FANCD2: variants seen among roughly 807,000 people sequenced by gnomAD.
FANCD2 encodes Fanconi anemia group D2 protein.
A neutral mutation model predicts 192.3 loss-of-function variants in FANCD2; 131 were observed. The observed-to-expected ratio is 0.68, with a 90% confidence interval of 0.59 to 0.79. The LOEUF (loss-of-function observed/expected upper bound fraction) is 0.79, where lower values mean the gene tolerates loss of function less well. FANCD2 is among the 30% of genes least tolerant of loss of function. The probability of loss-of-function intolerance (pLI) is 0.00; values close to 1 mark genes in which losing one functional copy is unlikely to be tolerated. For synonymous variants in FANCD2, 524 were observed against 612.5 expected (o/e 0.86, Z 2.13); for missense variants, 1,508 against 1,701.6 (o/e 0.89, Z 2.00).
chr3:10,089,560 C>G (rs1338368287), intron 36 of FANCD2, among the ~76,000 whole-genome samples: 3 of 152,112 alleles, frequency 2.0e-5, no homozygotes, highest in Non-Finnish European at 4.4e-5. Flanking sequence ...ACCTCCACCT[C>G]CTGGGTTCAA....
Position 10,081,500 on chromosome 3 carries a change from A to G in FANCD2, c.3224+36A>G, listed in dbSNP as rs751273814. The G allele has an allele frequency of 1.9e-5, 27 of 1,394,478 alleles. No individual in the cohort carries two copies. The Middle Eastern group carries it at 5.3e-4, about 27-fold the overall frequency. The allele number at this position is 1,394,478 out of a possible 1,614,324, so 86.4% of individuals were successfully genotyped here. On this transcript the variant is annotated intron_variant, in intron 32 of 43. Transcript: ENST00000675286. ...GGGAAGTGTGGAGAGAACTGAGTAT[A>G]TACTTGCTTTTATTTGACAGTCACC... is the stretch of plus-strand genomic sequence containing the variant.
Position 10,087,804 on chromosome 3 carries a change from G to A in FANCD2, c.3466+540G>A, listed in dbSNP as rs527942969. Among the ~76,000 whole-genome samples, 9 of 152,096 alleles carry A rather than the reference G, an allele frequency of 5.9e-5. No individual in the cohort carries two copies. The East Asian group carries it at 1.2e-3, about 20-fold the overall frequency. ...GCTGGGATTACAGGTGCGCACCACC[G>A]TGCCCAGCCAATTTTTGTATTTTTA... On this transcript the variant is annotated intron_variant, in intron 34 of 43. Coordinates refer to ENST00000675286, the MANE Select transcript of FANCD2 (RefSeq NM_001018115.3).
intron 14 of FANCD2, chr3:10,046,363 T>C: frequency 3.0e-6 from 2 of 655,740 alleles, no homozygotes; most frequent in Non-Finnish European, 4.9e-6. Flanking sequence ...TGCTCTGTAT[T>C]CTTAAGGGGT....
chr3:10,035,565 T>A (rs1032119077), intron 6 of FANCD2, among the ~76,000 whole-genome samples: 3 of 152,198 alleles, frequency 2.0e-5, no homozygotes, highest in African/African-American at 7.2e-5. Flanking sequence ...TTTAGATGCT[T>A]ATGTAACTTA....
chr3:10,045,110 C>T (rs112070765), intron 14 of FANCD2, among the ~76,000 whole-genome samples: 3,187 of 105,392 alleles, frequency 0.03, 144 homozygotes, highest in African/African-American at 0.14. Flanking sequence ...TTCCTGGAAG[C>T]ATAGACTCAG....
chr3:10,062,263 G>GAC, intron 20 of FANCD2, 52 bp downstream of exon 20: 1 of 1,291,816 alleles, frequency 7.7e-7, no homozygotes, highest in Non-Finnish European at 1.1e-6. Context: ...TTTTTTTTTA[G>GAC]AGAGTCTCGC....
intron 26 of FANCD2, among the ~76,000 whole-genome samples, chr3:10,071,318 G>A (rs1041800750): frequency 1.3e-5 from 2 of 151,942 alleles, no homozygotes; most frequent in African/African-American, 4.8e-5. Flanking sequence ...ATCACCATAT[G>A]ATCCAGGAAT....
chr3:10,040,444 C>T (rs2086837715), intron 9 of FANCD2: 1 of 454,440 alleles, frequency 2.2e-6, no homozygotes, highest in African/African-American at 2.0e-5. Context: ...CCTTAAGTTT[C>T]ATTAACTTGT....
At chr3:10,076,274 T>C (rs1470071323) in intron 29 of FANCD2, among the ~76,000 whole-genome samples, 1 of 147,738 alleles carries the variant, frequency 6.8e-6, no homozygotes, top group African/African-American at 2.6e-5. Context: ...GGAAATTCCC[T>C]TGAATTAGTC....
At chr3:10,057,185 C>T (rs2087437619) in intron 18 of FANCD2, among the ~76,000 whole-genome samples, 1 of 151,952 alleles carries the variant, frequency 6.6e-6, no homozygotes, top group Admixed American at 6.6e-5. Flanking sequence ...AGGTTTTTGT[C>T]GTTTTGAGGT....
intron 38 of FANCD2, among the ~76,000 whole-genome samples, chr3:10,092,678 T>C (rs1203321750): frequency 2.0e-5 from 3 of 146,496 alleles, no homozygotes; most frequent in Admixed American, 6.9e-5. Context: ...TCCACCTCTT[T>C]CATGTCTTTT....
intron 26 of FANCD2, among the ~76,000 whole-genome samples, chr3:10,070,192 C>G (rs1294278488): frequency 3.3e-5 from 5 of 150,498 alleles, no homozygotes; most frequent in Non-Finnish European, 4.4e-5. Context: ...CCGGCAACCG[C>G]CCCGTCTGAG....
At chr3:10,063,933 T>G in intron 21 of FANCD2, 22 bp downstream of exon 21, 1 of 1,614,210 alleles carries the variant, frequency 6.2e-7, no homozygotes, top group South Asian at 1.1e-5. Context: ...TGTCTTTTCT[T>G]AAAGCAATAA....
rs1344674954 is a variant in FANCD2, at chr3:10,093,342, CCT to C, written c.3888+20_3888+21del. 6.3e-7 allele frequency: 1 copy of C among 1,597,564 alleles called. No individual in the cohort carries two copies. The highest frequency in any genetic ancestry group is 1.7e-5 in the Admixed American group (1 of 59,996). On this transcript the variant is annotated intron_variant, in intron 39 of 43. Transcript: ENST00000675286. ...TTTGAAGGTGAGAGATTTACTGGGC[CCT>C]GTTTCATATTTATTCTTCCTGTGGA...
At chr3:10,034,364 G>C in intron 3 of FANCD2, 105 bp from the exon 4 acceptor site, 1 of 740,698 alleles carries the variant, frequency 1.4e-6, no homozygotes, top group Admixed American at 2.2e-5. Context: ...TCTGAAATTA[G>C]GTTGAAAATA....
chr3:10,093,432 T>G, intron 39 of FANCD2, 109 bp downstream of exon 39: 1 of 956,232 alleles, frequency 1.0e-6, no homozygotes, highest in Non-Finnish European at 1.7e-6. Flanking sequence ...AGCCAGAGTT[T>G]CCAGAATCTA....
At chr3:10,099,459 CA>C in intron 43 of FANCD2, 21 of 459,234 alleles carry the variant, frequency 4.6e-5, no homozygotes, top group East Asian at 7.6e-5. Context: ...CCTATCTCCA[CA>C]AAAAAAATGA....
rs745373058 is a variant in FANCD2, at chr3:10,081,109, A to G, written c.2986A>G (p.Ser996Gly). ...TCTGCATTTATTATAGAACAAAGGA[A>G]GCCGGAATATTGGATTCTCACATCT... ...RRVPFLKNKG[S>G]RNIGFSHLQQ... The change falls in exon 31 of 44, where the codon AGC becomes GGC. Residue 996 changes from serine (S) to glycine (G), a missense_variant. This residue lies in a region of FANCD2 where 796 missense variants were observed against 879.4 expected (regional missense o/e 0.91). Transcript: ENST00000675286. The G allele has an allele frequency of 5.0e-6, 8 of 1,614,064 alleles. No individual in the cohort carries two copies. In the Admixed American group the frequency reaches 1.3e-4, roughly 27 times the overall value.
intron 32 of FANCD2, among the ~76,000 whole-genome samples, chr3:10,081,966 C>G (rs1468153237): frequency 6.6e-6 from 1 of 152,152 alleles, no homozygotes; most frequent in East Asian, 1.9e-4. Flanking sequence ...GCGTTGGGCT[C>G]TCTGTTCTCA....
Sources: gnomAD v4.1 joint callset for allele counts (sites outside exome capture counted in the v4.1 genomes callset) on GRCh38, gnomAD v4.1.1 for gene constraint, gnomAD v4.1.1 regional missense constraint, MANE v1.5 for transcripts, NCBI Gene and HGNC (gene_info 2026-07-23, HGNC 2026-07-21) for gene names.